Variants in RXFP1 observed in about 807,000 individuals in gnomAD.
RXFP1 encodes the protein relaxin family peptide receptor 1, also known as relaxin receptor 1.
In RXFP1, 73 loss-of-function variants were observed where a neutral mutation model predicts 89.8. The observed-to-expected ratio is 0.81, with a 90% CI of 0.67 to 0.99. The LOEUF (loss-of-function observed/expected upper bound fraction) is 0.99. Ranked by LOEUF, RXFP1 falls within the 50% of genes least tolerant of loss-of-function variation. The pLI, the probability that RXFP1 is intolerant of heterozygous loss-of-function variation, is 0.00. For missense variants in RXFP1, 793 were observed against 895.5 expected, an observed-to-expected ratio of 0.89 and a Z score of 1.46; for synonymous variants, 277 against 305.5, an observed-to-expected ratio of 0.91 and a Z score of 0.97.
chr4:158,556,338 T>C (rs1751300579), intron 1 of RXFP1, among the ~76,000 whole-genome samples: 1 of 151,882 alleles, frequency 6.6e-6, no homozygotes, highest in Non-Finnish European at 1.5e-5. Flanking sequence ...TCACTAATTA[T>C]CAGGGAAATG....
Position 158,652,242 on chromosome 4 carries a change from A to G in RXFP1, c.*187A>G, listed in dbSNP as rs1772879882. On this transcript the variant is annotated 3_prime_UTR_variant, in exon 18 of 18. Coordinates refer to ENST00000307765, the MANE Select transcript of RXFP1 (RefSeq NM_021634.4). ...AGGGAAGTAATTATATCAATAATGTATATATATTAGTAGACATTTTGCATA... is the reference window on the plus strand; with the variant it reads ...AGGGAAGTAATTATATCAATAATGTGTATATATTAGTAGACATTTTGCATA... The G allele has an allele frequency of 5.7e-6, 3 of 521,818 alleles. No homozygotes were observed. The highest frequency in any genetic ancestry group is 3.8e-5 in the African/African-American group (2 of 52,106). 32.3% of individuals were successfully genotyped at this position (521,818 alleles called of 1,614,324 possible).
intron 17 of RXFP1, among the ~76,000 whole-genome samples, chr4:158,649,275 GA>G (rs1307201001): frequency 1.3e-5 from 2 of 152,142 alleles, no homozygotes; most frequent in African/African-American, 4.8e-5. Context: ...ACACGGTGTT[GA>G]AATTCTAATC....
intron 3 of RXFP1, among the ~76,000 whole-genome samples, chr4:158,594,550 C>T (rs1760163877): frequency 6.6e-6 from 1 of 151,576 alleles, no homozygotes; most frequent in African/African-American, 2.4e-5. Context: ...TAGTGCTTTG[C>T]ACATAGTGAG....
chr4:158,619,521 G>A (rs895385394), intron 9 of RXFP1, among the ~76,000 whole-genome samples: 1 of 152,174 alleles, frequency 6.6e-6, no homozygotes, highest in African/African-American at 2.4e-5. Flanking sequence ...CTACTATAGT[G>A]CTTTAAAAGA....
chr4:158,529,850 T>A (rs1489422616), intron 1 of RXFP1, among the ~76,000 whole-genome samples: 1 of 152,250 alleles, frequency 6.6e-6, no homozygotes, highest in Non-Finnish European at 1.5e-5. Context: ...ACCCTAATTC[T>A]GATTTCTACT....
intron 14 of RXFP1, among the ~76,000 whole-genome samples, chr4:158,644,238 G>A (rs111276469): frequency 5.3e-5 from 8 of 151,696 alleles, no homozygotes; most frequent in Middle Eastern, 3.4e-3. Flanking sequence ...AGTAGAGATG[G>A]GGTTTTACCA....
intron 11 of RXFP1, among the ~76,000 whole-genome samples, chr4:158,630,995 C>G (rs9985723): frequency 0.089 from 13,529 of 152,238 alleles, 1,911 homozygotes; most frequent in African/African-American, 0.3. Flanking sequence ...CTCTAGTTTA[C>G]AAGGTGTTTC....
At chr4:158,567,325 C>T (rs921235961) in intron 1 of RXFP1, among the ~76,000 whole-genome samples, 70 of 152,204 alleles carry the variant, frequency 4.6e-4, no homozygotes, top group African/African-American at 1.6e-3. Flanking sequence ...CACCTGCAGC[C>T]CCTGTGAGCG....
intron 1 of RXFP1, chr4:158,543,764 C>A (rs1747453626): frequency 1.0e-6 from 1 of 984,890 alleles, no homozygotes; most frequent in African/African-American, 1.8e-5. Flanking sequence ...ATTAACACTC[C>A]ATCTCCCACC....
intron 1 of RXFP1, among the ~76,000 whole-genome samples, chr4:158,523,542 T>A (rs1741702155): frequency 6.6e-6 from 1 of 152,228 alleles, no homozygotes. Context: ...TCTCTTTAAA[T>A]TTAACTTCTC....
At chr4:158,547,959 A>G (rs1330908384) in intron 1 of RXFP1, among the ~76,000 whole-genome samples, 2 of 152,196 alleles carry the variant, frequency 1.3e-5, no homozygotes, top group Non-Finnish European at 2.9e-5. Flanking sequence ...GTAGATATCT[A>G]TTAGGTCTGC....
intron 1 of RXFP1, among the ~76,000 whole-genome samples, chr4:158,561,054 T>A (rs565999205): frequency 1.3e-5 from 2 of 152,362 alleles, no homozygotes; most frequent in Admixed American, 1.3e-4. Context: ...CGTGTTTGCC[T>A]TCAGCCTTTA....
intron 1 of RXFP1, among the ~76,000 whole-genome samples, chr4:158,525,365 T>C (rs1742253073): frequency 6.6e-6 from 1 of 152,178 alleles, no homozygotes; most frequent in Admixed American, 6.5e-5. Flanking sequence ...CACCACCTTA[T>C]ATTGTGGAGG....
rs377708028 is a variant in RXFP1, at chr4:158,626,924, T to A, written c.827+33T>A. 6.3e-5 allele frequency: 71 copies of A among 1,124,820 alleles called. No homozygotes were observed. In the African/African-American group the frequency reaches 1.1e-3, roughly 17 times the overall value. 69.7% of individuals were successfully genotyped at this position (1,124,820 alleles called of 1,614,324 possible). A position where few individuals can be genotyped will look rare whatever the true frequency, so the allele number is the denominator to read the frequency against. ...ATATGCTATGCTTTTGAAGTAATAT[T>A]ATCTTTTCTTACAAATAAAATTTAA... On this transcript the variant is annotated intron_variant, in intron 10 of 17. Transcript: ENST00000307765.
At chr4:158,620,159 CA>C (rs927781265) in intron 9 of RXFP1, among the ~76,000 whole-genome samples, 55 of 152,018 alleles carry the variant, frequency 3.6e-4, no homozygotes, top group African/African-American at 1.2e-3. Context: ...ATGGAAACTA[CA>C]AAAGAGAAAC....
intron 1 of RXFP1, among the ~76,000 whole-genome samples, chr4:158,549,673 G>A (rs1433434500): frequency 6.6e-6 from 1 of 152,204 alleles, no homozygotes; most frequent in Non-Finnish European, 1.5e-5. Flanking sequence ...CTAACAGACA[G>A]GACCCTCAGC....
intron 1 of RXFP1, among the ~76,000 whole-genome samples, chr4:158,568,614 T>A (rs994342385): frequency 7.9e-5 from 12 of 152,252 alleles, no homozygotes; most frequent in Non-Finnish European, 1.6e-4. Flanking sequence ...CCTTTTTTTT[T>A]ACTTTGTTTT....
chr4:158,645,778 G>A (rs1252307533), intron 15 of RXFP1, among the ~76,000 whole-genome samples: 1 of 152,120 alleles, frequency 6.6e-6, no homozygotes, highest in African/African-American at 2.4e-5. Context: ...AGCAAGTAAA[G>A]CATCAATCTA....
chr4:158,643,411 AT>A (rs1413048119), intron 14 of RXFP1, among the ~76,000 whole-genome samples: 5 of 150,000 alleles, frequency 3.3e-5, no homozygotes, highest in Admixed American at 2.7e-4. Flanking sequence ...TCTCTTTGAT[AT>A]GATTTTCTTT....
Sources: allele counts gnomAD v4.1 joint callset (sites outside exome capture counted in the v4.1 genomes callset), GRCh38; gene constraint gnomAD v4.1.1; transcripts MANE v1.5; gene names NCBI Gene and HGNC (gene_info 2026-07-23, HGNC 2026-07-21).